Variants in FHIT observed in about 807,000 individuals in gnomAD.
The protein encoded by FHIT is bis(5'-adenosyl)-triphosphatase.
Under a neutral mutation model 17.9 loss-of-function variants are expected in FHIT, and 19 were observed. The observed-to-expected ratio is 1.06, with a 90% CI of 0.74 to 1.56. The LOEUF (loss-of-function observed/expected upper bound fraction) is 1.56. Among genes scored for constraint, FHIT ranks in the 40% most tolerant of loss-of-function variants. FHIT has a pLI of 0.00. For missense variants in FHIT, 248 were observed against 189.2 expected (o/e 1.31, Z -1.82); for synonymous variants, 81 against 69.7 (o/e 1.16, Z -0.81).
intron 7 of FHIT, among the ~76,000 whole-genome samples, chr3:59,983,437 GACC>G (rs1325330578): frequency 1.3e-5 from 2 of 152,152 alleles, no homozygotes; most frequent in Middle Eastern, 3.4e-3. Flanking sequence ...GCAAGAAAAA[GACC>G]ACAATTATTA....
At chr3:59,901,805 T>C (rs1368901115) in intron 8 of FHIT, among the ~76,000 whole-genome samples, 1 of 152,092 alleles carries the variant, frequency 6.6e-6, no homozygotes, top group Non-Finnish European at 1.5e-5. Flanking sequence ...AATGAAAACA[T>C]ATATCCACAC....
At chr3:59,837,402 G>A (rs201063849) in intron 8 of FHIT, among the ~76,000 whole-genome samples, 4 of 152,128 alleles carry the variant, frequency 2.6e-5, no homozygotes, top group East Asian at 3.9e-4. Context: ...TACGTAAATA[G>A]TTATACTTTA....
At chr3:61,152,069 A>G (rs1027847310) in intron 2 of FHIT, among the ~76,000 whole-genome samples, 1 of 152,112 alleles carries the variant, frequency 6.6e-6, no homozygotes, top group African/African-American at 2.4e-5. Context: ...TTTTAAGTAT[A>G]TGGGTGGGTA....
intron 3 of FHIT, among the ~76,000 whole-genome samples, chr3:60,986,186 T>C (rs1342056145): frequency 2.6e-5 from 4 of 152,188 alleles, no homozygotes; most frequent in Non-Finnish European, 4.4e-5. Context: ...GTGGACAACT[T>C]TGAGGGGTCA....
At chr3:60,306,147 G>A (rs1035873359) in intron 5 of FHIT, among the ~76,000 whole-genome samples, 27 of 152,058 alleles carry the variant, frequency 1.8e-4, no homozygotes, top group African/African-American at 6.3e-4. Flanking sequence ...TCACTGTTGT[G>A]AAGGAAAACA....
chr3:61,125,756 G>A (rs967912981), intron 2 of FHIT, among the ~76,000 whole-genome samples: 6 of 152,192 alleles, frequency 3.9e-5, no homozygotes, highest in African/African-American at 1.4e-4. Context: ...TGATGGAGCA[G>A]TTAGAATTTT....
chr3:59,838,073 C>A (rs1455005877), intron 8 of FHIT, among the ~76,000 whole-genome samples: 2 of 152,146 alleles, frequency 1.3e-5, no homozygotes, highest in Non-Finnish European at 2.9e-5. Flanking sequence ...ATTTTCCTCA[C>A]TGCTCTCCAC....
At chr3:59,865,846 T>G (rs1702622058) in intron 8 of FHIT, among the ~76,000 whole-genome samples, 1 of 151,756 alleles carries the variant, frequency 6.6e-6, no homozygotes, top group Non-Finnish European at 1.5e-5. Flanking sequence ...AAATTCAGAG[T>G]GGGGAGTGAG....
At chr3:61,037,099 G>C (rs1236674539) in intron 3 of FHIT, among the ~76,000 whole-genome samples, 1 of 152,012 alleles carries the variant, frequency 6.6e-6, no homozygotes, top group Admixed American at 6.6e-5. Flanking sequence ...TTTTAGTAGA[G>C]ACAGGGTTTC....
chr3:60,742,922 G>GA (rs1233617511), intron 4 of FHIT, among the ~76,000 whole-genome samples: 2 of 152,238 alleles, frequency 1.3e-5, no homozygotes, highest in Admixed American at 6.5e-5. Flanking sequence ...TATGCAGAAG[G>GA]AAAATAATAC....
chr3:60,138,178 C>T (rs1469327257), intron 5 of FHIT, among the ~76,000 whole-genome samples: 1 of 152,110 alleles, frequency 6.6e-6, no homozygotes, highest in African/African-American at 2.4e-5. Context: ...AAGTTCTATT[C>T]TTAACATGAC....
At chr3:60,978,147 T>G (rs896222321) in intron 3 of FHIT, among the ~76,000 whole-genome samples, 9 of 152,222 alleles carry the variant, frequency 5.9e-5, no homozygotes, top group African/African-American at 2.2e-4. Context: ...TCATCAACCA[T>G]GTACTTTCCT....
chr3:60,774,255 T>C (rs1470474384), intron 4 of FHIT, among the ~76,000 whole-genome samples: 2 of 152,120 alleles, frequency 1.3e-5, no homozygotes, highest in Non-Finnish European at 2.9e-5. Flanking sequence ...CTAAACCCTA[T>C]ACATACTGTT....
chr3:60,674,289 G>A (rs985616232), intron 4 of FHIT, among the ~76,000 whole-genome samples: 2 of 151,918 alleles, frequency 1.3e-5, no homozygotes, highest in African/African-American at 2.4e-5. Flanking sequence ...GAGATTTCCC[G>A]CCTCTTCATT....
At chr3:59,884,480 A>G (rs1448233703) in intron 8 of FHIT, among the ~76,000 whole-genome samples, 2 of 152,156 alleles carry the variant, frequency 1.3e-5, no homozygotes, top group African/African-American at 2.4e-5. Context: ...CTGACCACTC[A>G]ACTTTTCTAG....
At chr3:59,880,408 T>C (rs1178039238) in intron 8 of FHIT, among the ~76,000 whole-genome samples, 3 of 152,142 alleles carry the variant, frequency 2.0e-5, no homozygotes, top group African/African-American at 7.2e-5. Context: ...ATCAGCTTCA[T>C]CGATAGCAGA....
chr3:60,399,033 A>T (rs1701563743), intron 5 of FHIT, among the ~76,000 whole-genome samples: 1 of 152,202 alleles, frequency 6.6e-6, no homozygotes, highest in African/African-American at 2.4e-5. Flanking sequence ...ATGCTAACAT[A>T]ACCTATTTTT....
chr3:60,066,977 G>A (rs1702542914), intron 5 of FHIT, among the ~76,000 whole-genome samples: 1 of 152,034 alleles, frequency 6.6e-6, no homozygotes, highest in South Asian at 2.1e-4. Flanking sequence ...TACTGACACA[G>A]CGCTTCATGT....
intron 5 of FHIT, among the ~76,000 whole-genome samples, chr3:60,254,946 G>A (rs971541225): frequency 1.3e-5 from 2 of 152,140 alleles, no homozygotes; most frequent in Admixed American, 6.6e-5. Flanking sequence ...CCATAAATTA[G>A]ATATTCTTTA....
Sources: allele counts gnomAD v4.1 joint callset (sites outside exome capture counted in the v4.1 genomes callset), GRCh38; gene constraint gnomAD v4.1.1; transcripts MANE v1.5; gene names NCBI Gene and HGNC (gene_info 2026-07-23, HGNC 2026-07-21).